Variants in GRB14 observed in about 807,000 individuals in gnomAD.
GRB14 encodes the protein growth factor receptor-bound protein 14.
A neutral mutation model predicts 69.1 loss-of-function variants in GRB14; 38 were observed. That is an observed-to-expected ratio of 0.55 (90% confidence interval 0.42 to 0.72). The LOEUF is 0.72. Ranked by LOEUF, GRB14 falls within the 30% of genes least tolerant of loss-of-function variation. GRB14 has a pLI of 0.00. For synonymous variants in GRB14, 247 were observed against 241.3 expected (o/e 1.02, Z -0.22); for missense variants, 666 against 666.1 (o/e 1.00, Z 0.00).
At chr2:164,495,185 G>A (rs938670616) in intron 12 of GRB14, among the ~76,000 whole-genome samples, 5 of 151,858 alleles carry the variant, frequency 3.3e-5, no homozygotes, top group South Asian at 2.1e-4. Context: ...CAAGTGATCC[G>A]CCTGCCTCGG....
At position 164,497,101 on chromosome 2, in the gene GRB14, G is replaced by GAAAT; in HGVS notation, c.1295-10_1295-7dup. The GAAAT allele has an allele frequency of 6.2e-7, 1 of 1,612,292 alleles. No homozygotes were observed. Among genetic ancestry groups the GAAAT allele is most frequent in the Non-Finnish European group, 8.5e-7 (1 of 1,178,434 alleles). On this transcript the variant is annotated splice_region_variant and splice_polypyrimidine_tract_variant and intron_variant, in intron 11 of 13. Coordinates refer to ENST00000263915, the MANE Select transcript of GRB14 (RefSeq NM_004490.3). Reference sequence around the variant, plus strand: ...TGGCTGGGACCGGTGGATAGCTAAAGAAATAGGATGGATGAATGCAAAGCT... The same window carrying GAAAT: ...TGGCTGGGACCGGTGGATAGCTAAAGAAATAAATAGGATGGATGAATGCAAAGCT...
At chr2:164,498,712 G>A (rs918029344) in intron 9 of GRB14, among the ~76,000 whole-genome samples, 1 of 152,114 alleles carries the variant, frequency 6.6e-6, no homozygotes. Context: ...TACCTGGCTT[G>A]GTTGCATAGA....
At chr2:164,603,965 T>A (rs1438272985) in intron 2 of GRB14, among the ~76,000 whole-genome samples, 1 of 151,978 alleles carries the variant, frequency 6.6e-6, no homozygotes, top group Non-Finnish European at 1.5e-5. Flanking sequence ...AAAGAAGAAG[T>A]AAGAATGGAC....
At chr2:164,512,376 A>G (rs1687361951) in intron 6 of GRB14, among the ~76,000 whole-genome samples, 1 of 152,150 alleles carries the variant, frequency 6.6e-6, no homozygotes, top group Non-Finnish European at 1.5e-5. Context: ...CATGTTGGCC[A>G]GGCTGGTCTC....
chr2:164,561,058 C>T (rs563723713), intron 2 of GRB14, among the ~76,000 whole-genome samples: 7 of 152,134 alleles, frequency 4.6e-5, no homozygotes, highest in East Asian at 3.9e-4. Context: ...CCCTACAGAC[C>T]GCCCCAAGCA....
intron 8 of GRB14, among the ~76,000 whole-genome samples, chr2:164,503,867 T>G (rs1007845437): frequency 6.6e-6 from 1 of 152,146 alleles, no homozygotes; most frequent in Non-Finnish European, 1.5e-5. Flanking sequence ...GTACCTGCAG[T>G]GTTAGGTAGT....
chr2:164,546,959 TC>T (rs1688395283), intron 3 of GRB14, among the ~76,000 whole-genome samples: 1 of 152,036 alleles, frequency 6.6e-6, no homozygotes, highest in Non-Finnish European at 1.5e-5. Flanking sequence ...TGGGAACCTC[TC>T]CCATTTGGAA....
At chr2:164,599,797 GA>G (rs1343827301) in intron 2 of GRB14, among the ~76,000 whole-genome samples, 1 of 152,168 alleles carries the variant, frequency 6.6e-6, no homozygotes, top group Non-Finnish European at 1.5e-5. Context: ...ATCTGTAGAA[GA>G]TATCTGTCTG....
intron 2 of GRB14, among the ~76,000 whole-genome samples, chr2:164,587,403 T>C (rs375620038): frequency 6.6e-5 from 10 of 152,342 alleles, no homozygotes; most frequent in African/African-American, 2.4e-4. Context: ...TGAATTACTT[T>C]GTTCAAGATA....
chr2:164,508,604 CTGT>C, intron 7 of GRB14, 54 bp from the exon 8 acceptor site: 1 of 1,530,000 alleles, frequency 6.5e-7, no homozygotes, highest in Non-Finnish European at 9.0e-7. Context: ...AAGGTAACAC[CTGT>C]TGAAATAAAA....
In GRB14 at chr2:164,570,481, T is replaced by A. The variant is rs539899047; in HGVS notation, c.325-22665A>T. 1.5e-3 allele frequency among the ~76,000 whole-genome samples: 222 copies of A among 152,126 alleles called. 1 individual carries two copies. The highest frequency in any genetic ancestry group is 6.8e-3 in the Middle Eastern group (2 of 294). On this transcript the variant is annotated intron_variant, in intron 2 of 13. Transcript: ENST00000263915. ...GGAATAGAGATATTAATTTTTAAGT[T>A]AAAATATCCCATTCAGTGGTAAGTT...
Position 164,619,829 on chromosome 2 carries a change from G to A in GRB14, c.192-10C>T, listed in dbSNP as rs1332458787. 1 of 1,593,424 alleles carries A rather than the reference G, an allele frequency of 6.3e-7. No homozygotes were observed. Among genetic ancestry groups the A allele is most frequent in the East Asian group, 2.2e-5 (1 of 44,760 alleles). ...ATCTTTCTTTTTTCTCCTACAGTAA[G>A]AGAACATAGGATGTAATTTACATAA... On this transcript the variant is annotated splice_polypyrimidine_tract_variant and intron_variant, in intron 1 of 13. Coordinates refer to ENST00000263915, the MANE Select transcript of GRB14 (RefSeq NM_004490.3).
chr2:164,498,720 A>T (rs1378457078), intron 9 of GRB14, among the ~76,000 whole-genome samples: 2 of 152,180 alleles, frequency 1.3e-5, no homozygotes, highest in African/African-American at 4.8e-5. Flanking sequence ...TTGGTTGCAT[A>T]GACTATAGTC....
chr2:164,579,723 A>T (rs1002929700), intron 2 of GRB14, among the ~76,000 whole-genome samples: 10 of 152,132 alleles, frequency 6.6e-5, no homozygotes, highest in African/African-American at 1.4e-4. Flanking sequence ...GATAAAAATG[A>T]TGTTGAAGAA....
chr2:164,526,352 T>A (rs1687773575), intron 4 of GRB14, among the ~76,000 whole-genome samples: 1 of 152,086 alleles, frequency 6.6e-6, no homozygotes, highest in South Asian at 2.1e-4. Context: ...CTATTCTGAC[T>A]TTTCTAGATC....
intron 2 of GRB14, among the ~76,000 whole-genome samples, chr2:164,582,714 C>G (rs189625495): frequency 6.6e-6 from 1 of 152,136 alleles, no homozygotes; most frequent in Non-Finnish European, 1.5e-5. Context: ...CCACCGCACC[C>G]GGCCTATTTT....
At chr2:164,497,917 T>C (rs1227499308) in intron 9 of GRB14, among the ~76,000 whole-genome samples, 1 of 152,182 alleles carries the variant, frequency 6.6e-6, no homozygotes, top group Non-Finnish European at 1.5e-5. Context: ...GATCCGTCAG[T>C]CATCAATTAA....
intron 2 of GRB14, among the ~76,000 whole-genome samples, chr2:164,617,724 T>A (rs1047417228): frequency 3.9e-5 from 6 of 152,060 alleles, no homozygotes; most frequent in African/African-American, 9.7e-5. Context: ...TTACTTTCCT[T>A]CTGGTTCAGG....
intron 2 of GRB14, among the ~76,000 whole-genome samples, chr2:164,604,658 G>A (rs575296665): frequency 6.6e-6 from 1 of 151,808 alleles, no homozygotes; most frequent in South Asian, 2.1e-4. Flanking sequence ...AAAAAAGTTA[G>A]TTCTCTAACT....
Sources: gnomAD v4.1 joint callset for allele counts (sites outside exome capture counted in the v4.1 genomes callset) on GRCh38, gnomAD v4.1.1 for gene constraint, MANE v1.5 for transcripts, NCBI Gene and HGNC (gene_info 2026-07-23, HGNC 2026-07-21) for gene names.